RARS2: variants seen among roughly 807,000 people sequenced by gnomAD.
RARS2 encodes arginyl-tRNA synthetase 2, mitochondrial, also known as probable arginine--tRNA ligase, mitochondrial.
In RARS2, 67 loss-of-function variants were observed where a neutral mutation model predicts 88.5. The observed-to-expected ratio is 0.76, with a 90% CI of 0.62 to 0.93. The LOEUF is 0.93. RARS2 is among the 40% of genes least tolerant of loss of function. The pLI is 0.00. For missense variants in RARS2, 664 were observed against 684.2 expected (o/e 0.97, Z 0.33); for synonymous variants, 239 against 230.3 (o/e 1.04, Z -0.34).
In RARS2 at chr6:87,518,822, A is replaced by T; in HGVS notation, c.1305+2T>A. The T allele has an allele frequency of 6.2e-7, 1 of 1,613,942 alleles. No homozygotes were observed. The highest frequency in any genetic ancestry group is 2.2e-5 in the East Asian group (1 of 44,876). The stretch of plus-strand genomic sequence containing the variant: ...GCCTCACAGGTAGGAGTCTTAACAG[A>T]CCTGAATAATGAGTGCTGCGAGCCC... On this transcript the variant is annotated splice_donor_variant, in intron 15 of 19. Coordinates refer to ENST00000369536, the MANE Select transcript of RARS2 (RefSeq NM_020320.5). LOFTEE classifies it high-confidence loss of function.
intron 8 of RARS2, among the ~76,000 whole-genome samples, chr6:87,531,947 T>A (rs1180936297): frequency 6.6e-6 from 1 of 152,116 alleles, no homozygotes; most frequent in Non-Finnish European, 1.5e-5. Flanking sequence ...GCAATAAAAA[T>A]TGGTGAATAA....
intron 1 of RARS2, among the ~76,000 whole-genome samples, chr6:87,582,583 T>A (rs35363104): frequency 0.032 from 4,873 of 152,306 alleles, 104 homozygotes; most frequent in Middle Eastern, 0.054. Context: ...ATAGTATGGT[T>A]ATTATTATAC....
chr6:87,565,766 G>T (rs1379754186), intron 2 of RARS2, among the ~76,000 whole-genome samples: 1 of 152,134 alleles, frequency 6.6e-6, no homozygotes, highest in Non-Finnish European at 1.5e-5. Context: ...GTTTAATATG[G>T]AACTAGAGAA....
At chr6:87,542,972 A>T (rs140392836) in intron 7 of RARS2, among the ~76,000 whole-genome samples, 234 of 133,578 alleles carry the variant, frequency 1.8e-3, no homozygotes, top group African/African-American at 5.5e-3. Flanking sequence ...AAAATAATAA[A>T]AAAAAAAAAG....
At chr6:87,545,525 A>C in intron 7 of RARS2, 91 bp downstream of exon 7, 1 of 1,556,238 alleles carries the variant, frequency 6.4e-7, no homozygotes, top group Non-Finnish European at 8.8e-7. Context: ...TACTTCATCC[A>C]ATGGGATTCT....
At chr6:87,582,620 T>C (rs1773959999) in intron 1 of RARS2, among the ~76,000 whole-genome samples, 1 of 152,234 alleles carries the variant, frequency 6.6e-6, no homozygotes, top group Non-Finnish European at 1.5e-5. Flanking sequence ...CAGAATGGAA[T>C]GCTGGTGGGT....
intron 14 of RARS2, 88 bp downstream of exon 14, chr6:87,519,495 A>T: frequency 7.1e-7 from 1 of 1,409,496 alleles, no homozygotes; most frequent in Non-Finnish European, 1.0e-6. Flanking sequence ...ATGGAGGGAC[A>T]GACATAATAA....
intron 8 of RARS2, among the ~76,000 whole-genome samples, chr6:87,534,583 A>G (rs1778572919): frequency 6.6e-6 from 1 of 152,210 alleles, no homozygotes; most frequent in African/African-American, 2.4e-5. Context: ...TTCAAAACTC[A>G]TTCTAAGAGG....
At chr6:87,559,068 A>G (rs1485431781) in intron 4 of RARS2, among the ~76,000 whole-genome samples, 1 of 152,214 alleles carries the variant, frequency 6.6e-6, no homozygotes. Flanking sequence ...AAAAAAGTCT[A>G]AAAAGTAAAT....
At chr6:87,540,793 G>T (rs1488748174) in intron 8 of RARS2, among the ~76,000 whole-genome samples, 1 of 152,108 alleles carries the variant, frequency 6.6e-6, no homozygotes, top group Non-Finnish European at 1.5e-5. Flanking sequence ...AAGAACTGAA[G>T]ATAAAGAAGC....
chr6:87,566,536 A>AT (rs1767912391), intron 2 of RARS2, among the ~76,000 whole-genome samples: 1 of 152,190 alleles, frequency 6.6e-6, no homozygotes, highest in Non-Finnish European at 1.5e-5. Flanking sequence ...AAAGCAGTAG[A>AT]TATCAAAATA....
intron 2 of RARS2, among the ~76,000 whole-genome samples, chr6:87,568,531 C>T (rs1044326629): frequency 6.6e-6 from 1 of 152,140 alleles, no homozygotes; most frequent in Admixed American, 6.5e-5. Context: ...AGTAACATTT[C>T]CCTTATTATG....
chr6:87,519,204 G>A (rs1289999420), intron 14 of RARS2: 4 of 271,984 alleles, frequency 1.5e-5, no homozygotes, highest in African/African-American at 9.9e-5. Flanking sequence ...GTGTGTGTGT[G>A]TGTGTATATA....
At chr6:87,522,735 C>CCTCAGG (rs1251436085) in intron 11 of RARS2, among the ~76,000 whole-genome samples, 1 of 152,120 alleles carries the variant, frequency 6.6e-6, no homozygotes, top group Non-Finnish European at 1.5e-5. Context: ...AGGTGATCTA[C>CCTCAGG]CCTCCTCGTC....
chr6:87,566,849 CAA>C (rs36032606), intron 2 of RARS2, among the ~76,000 whole-genome samples: 9 of 60,290 alleles, frequency 1.5e-4, no homozygotes, highest in Admixed American at 2.2e-4. Context: ...GGTCCTGTCT[CAA>C]AAAAAAAAAA....
chr6:87,574,676 C>T lies in RARS2; in HGVS notation c.37-5086G>A, dbSNP rs562987482. The stretch of plus-strand genomic sequence containing the variant: ...ACTCTGCCCAGGAGAAAAATGTAAC[C>T]CAATGAATACGAAGAACATTATTCA... On this transcript the variant is annotated intron_variant, in intron 1 of 19. Coordinates refer to ENST00000369536, the MANE Select transcript of RARS2 (RefSeq NM_020320.5). Among the ~76,000 whole-genome samples, 3 of 152,050 alleles carry T rather than the reference C, an allele frequency of 2.0e-5. No individual in the cohort carries two copies. The South Asian group carries it at 6.2e-4, about 32-fold the overall frequency.
chr6:87,515,101 T>C, intron 18 of RARS2, 81 bp from the exon 19 acceptor site: 1 of 1,066,026 alleles, frequency 9.4e-7, no homozygotes. Context: ...CTAATCTTAC[T>C]CCTTCAACTT....
rs1434827220 is a variant in RARS2 at position 87,519,611 on chromosome 6, C to T, written c.1209G>A (p.Arg403=). The change falls in exon 14 of 20, where the codon AGG becomes AGA. Residue 403 remains arginine, a synonymous_variant. Transcript: ENST00000369536. Reference sequence around the variant, plus strand: ...TAATTGAAGCCATGTTCTGTAGCATCCTTAATTGAATCTCATTTAAAACAT... The same window carrying T: ...TAATTGAAGCCATGTTCTGTAGCATTCTTAATTGAATCTCATTTAAAACAT... ...LEDVLNEIQL[R]MLQNMASIKT... 1.2e-6 allele frequency: 2 copies of T among 1,612,540 alleles called. No homozygotes were observed. The highest frequency in any genetic ancestry group is 1.1e-5 in the South Asian group (1 of 91,042).
At chr6:87,542,046 A>C in intron 7 of RARS2, 52 bp from the exon 8 acceptor site, 1 of 1,338,188 alleles carries the variant, frequency 7.5e-7, no homozygotes, top group Non-Finnish European at 1.1e-6. Context: ...AACAGAGAAT[A>C]GGCATGACAG....
Sources: allele counts gnomAD v4.1 joint callset (sites outside exome capture counted in the v4.1 genomes callset), GRCh38; gene constraint gnomAD v4.1.1; transcripts MANE v1.5; gene names NCBI Gene and HGNC (gene_info 2026-07-23, HGNC 2026-07-21).